Variants in AGBL4 observed in about 807,000 individuals in gnomAD.
AGBL4 encodes the protein cytosolic carboxypeptidase 6.
In AGBL4, 58 loss-of-function variants were observed where a neutral mutation model predicts 66.4. The ratio of observed to expected loss-of-function variants is 0.87; its 90% confidence interval spans 0.71 to 1.09. The LOEUF (loss-of-function observed/expected upper bound fraction) is 1.09. Ranked by LOEUF, AGBL4 falls within the 50% of genes least tolerant of loss-of-function variation. The pLI, the probability that AGBL4 is intolerant of heterozygous loss-of-function variation, is 0.00. For synonymous variants in AGBL4, 234 were observed against 222.9 expected, an observed-to-expected ratio of 1.05 and a Z score of -0.44; for missense variants, 579 against 631.0, an observed-to-expected ratio of 0.92 and a Z score of 0.88.
chr1:49,788,049 C>T (rs1435709079), intron 2 of AGBL4, among the ~76,000 whole-genome samples: 6 of 152,148 alleles, frequency 3.9e-5, no homozygotes, highest in East Asian at 1.9e-4. Flanking sequence ...AGGCAAAGGC[C>T]GGTCACACAA....
chr1:49,029,692 C>T (rs537223355), intron 5 of AGBL4, among the ~76,000 whole-genome samples: 2 of 152,192 alleles, frequency 1.3e-5, no homozygotes, highest in African/African-American at 4.8e-5. Flanking sequence ...CTAAAATTCA[C>T]ATAAAAATGC....
chr1:49,172,606 T>A (rs1270744617), intron 4 of AGBL4, among the ~76,000 whole-genome samples: 1 of 152,082 alleles, frequency 6.6e-6, no homozygotes, highest in Non-Finnish European at 1.5e-5. Context: ...AAACAACATA[T>A]GTAGAAGTGT....
In AGBL4 at chr1:49,530,278, A is replaced by AAAAAAAAAAAAAAAAAC. The variant is rs1186915086; in HGVS notation, c.282+167034_282+167035insGTTTTTTTTTTTTTTTT. On this transcript the variant is annotated intron_variant, in intron 3 of 13. Coordinates refer to ENST00000371839, the MANE Select transcript of AGBL4 (RefSeq NM_032785.4). ...AATTTGTAAAAAAAAAAAAACAAAA[A>AAAAAAAAAAAAAAAAAC]AAAACTCTATGAGTTTTTTTTTATT... Among the ~76,000 whole-genome samples the AAAAAAAAAAAAAAAAAC allele has an allele frequency of 2.1e-5, 3 of 145,118 alleles. 1 individual carries two copies. Among genetic ancestry groups the AAAAAAAAAAAAAAAAAC allele is most frequent in the Non-Finnish European group, 4.6e-5 (3 of 64,974 alleles).
At chr1:49,540,245 A>G (rs1333368349) in intron 3 of AGBL4, among the ~76,000 whole-genome samples, 1 of 152,144 alleles carries the variant, frequency 6.6e-6, no homozygotes, top group Non-Finnish European at 1.5e-5. Flanking sequence ...CAATTAGCCA[A>G]TCTTTAAATA....
intron 3 of AGBL4, among the ~76,000 whole-genome samples, chr1:49,624,088 A>G (rs1462165491): frequency 6.6e-6 from 1 of 152,096 alleles, no homozygotes; most frequent in Non-Finnish European, 1.5e-5. Context: ...AGTAACAACT[A>G]TACTATAAGC....
chr1:48,707,319 A>C (rs1314950664), intron 6 of AGBL4, among the ~76,000 whole-genome samples: 1 of 152,116 alleles, frequency 6.6e-6, no homozygotes, highest in African/African-American at 2.4e-5. Flanking sequence ...AACAACAACA[A>C]AAACAGAAAA....
intron 2 of AGBL4, among the ~76,000 whole-genome samples, chr1:49,810,291 C>T (rs927322011): frequency 2.6e-5 from 4 of 151,810 alleles, no homozygotes; most frequent in Non-Finnish European, 5.9e-5. Flanking sequence ...CCAAATCCAT[C>T]AGGGAAGTAA....
chr1:49,010,946 A>T (rs1662351754), intron 5 of AGBL4, among the ~76,000 whole-genome samples: 2 of 152,042 alleles, frequency 1.3e-5, no homozygotes, highest in African/African-American at 2.4e-5. Context: ...AACCTAGGCA[A>T]TACCATTCAG....
intron 2 of AGBL4, among the ~76,000 whole-genome samples, chr1:49,758,462 A>C (rs1652059115): frequency 6.6e-6 from 1 of 152,104 alleles, no homozygotes; most frequent in Admixed American, 6.6e-5. Flanking sequence ...GAAAACCTGC[A>C]GGCACTCAAT....
At chr1:48,896,445 G>A (rs1360970786) in intron 5 of AGBL4, among the ~76,000 whole-genome samples, 1 of 152,220 alleles carries the variant, frequency 6.6e-6, no homozygotes, top group Non-Finnish European at 1.5e-5. Flanking sequence ...AATGGCTTCT[G>A]GCACATCATA....
At chr1:49,257,236 C>CCTT (rs1652593780) in intron 3 of AGBL4, among the ~76,000 whole-genome samples, 1 of 152,194 alleles carries the variant, frequency 6.6e-6, no homozygotes, top group Non-Finnish European at 1.5e-5. Context: ...GCAAAGGTTA[C>CCTT]TGCTGTCTTT....
chr1:49,727,711 A>T (rs1649136925), intron 2 of AGBL4, among the ~76,000 whole-genome samples: 1 of 152,170 alleles, frequency 6.6e-6, no homozygotes, highest in South Asian at 2.1e-4. Context: ...CTGCTTTCTC[A>T]GAAAGTAGAG....
chr1:49,596,373 G>GTTGC (rs1644854193), intron 3 of AGBL4, among the ~76,000 whole-genome samples: 1 of 152,114 alleles, frequency 6.6e-6, no homozygotes, highest in Non-Finnish European at 1.5e-5. Context: ...GTTTCACCAT[G>GTTGC]TTGCCCAGGC....
At chr1:49,284,247 C>T (rs1363067234) in intron 3 of AGBL4, among the ~76,000 whole-genome samples, 1 of 150,516 alleles carries the variant, frequency 6.6e-6, no homozygotes, top group African/African-American at 2.4e-5. Context: ...AATTTTCAAT[C>T]CAGAATTTCA....
chr1:49,302,820 C>T lies in AGBL4; in HGVS notation c.283-56956G>A, dbSNP rs1644779046. Among the ~76,000 whole-genome samples, 4 of 152,004 alleles carry T rather than the reference C, an allele frequency of 2.6e-5. No homozygotes were observed. The South Asian group carries it at 8.3e-4, about 32-fold the overall frequency. On this transcript the variant is annotated intron_variant, in intron 3 of 13. Transcript: ENST00000371839. The stretch of plus-strand genomic sequence containing the variant: ...ATTTATCCTGATGTTCTCCCTCCCC[C>T]TGCCCCCTGACAGGCCTCAGTGTGT...
chr1:49,222,839 T>C (rs1649606959), intron 4 of AGBL4, among the ~76,000 whole-genome samples: 1 of 152,208 alleles, frequency 6.6e-6, no homozygotes. Flanking sequence ...AATAAGTAGA[T>C]AATACTGAAC....
chr1:48,718,369 C>G (rs1377654471), intron 6 of AGBL4, among the ~76,000 whole-genome samples: 2 of 152,226 alleles, frequency 1.3e-5, no homozygotes, highest in Non-Finnish European at 2.9e-5. Context: ...TTGGAGCCAA[C>G]AAGGCTTTCT....
intron 5 of AGBL4, among the ~76,000 whole-genome samples, chr1:48,999,460 T>G (rs1230170040): frequency 7.9e-5 from 12 of 152,146 alleles, no homozygotes; most frequent in Admixed American, 7.9e-4. Flanking sequence ...ACATTATTCG[T>G]CAAGAGAACA....
At chr1:49,579,594 C>G (rs186935935) in intron 3 of AGBL4, among the ~76,000 whole-genome samples, 4 of 152,158 alleles carry the variant, frequency 2.6e-5, no homozygotes, top group Admixed American at 2.6e-4. Flanking sequence ...CCACCTCCCA[C>G]GTTGACGCCA....
Sources: gnomAD v4.1 joint callset for allele counts (sites outside exome capture counted in the v4.1 genomes callset) on GRCh38, gnomAD v4.1.1 for gene constraint, MANE v1.5 for transcripts, NCBI Gene and HGNC (gene_info 2026-07-23, HGNC 2026-07-21) for gene names.